Variants in ANKRD44 observed in about 807,000 individuals in gnomAD.
The protein encoded by ANKRD44 is ankyrin repeat domain 44.
Under a neutral mutation model 116.0 loss-of-function variants are expected in ANKRD44, and 35 were observed. That is an observed-to-expected ratio of 0.30 (90% CI 0.23 to 0.40). The LOEUF is 0.40. Among genes scored for constraint, ANKRD44 ranks in the 10% least tolerant of loss-of-function variants. The probability of loss-of-function intolerance (pLI) is 1.00; values close to 1 mark genes in which losing one functional copy is unlikely to be tolerated. For missense variants in ANKRD44, 1,014 were observed against 1,242.6 expected (o/e 0.82, Z 2.77); for synonymous variants, 435 against 461.8 (o/e 0.94, Z 0.74).
chr2:197,009,531 G>A (rs1259221209), intron 18 of ANKRD44, among the ~76,000 whole-genome samples: 2 of 152,002 alleles, frequency 1.3e-5, no homozygotes, highest in East Asian at 1.9e-4. Context: ...CACCACACCC[G>A]CTAATTTTTG....
At chr2:196,983,277 C>T (rs1302728321), downstream of ANKRD44, among the ~76,000 whole-genome samples, 1 of 152,144 alleles carries the variant, frequency 6.6e-6, no homozygotes, top group East Asian at 1.9e-4. Context: ...TGGCTTTTGT[C>T]ACATTCAGAA....
At chr2:197,233,084 C>T (rs2081903755) in intron 1 of ANKRD44, among the ~76,000 whole-genome samples, 1 of 152,206 alleles carries the variant, frequency 6.6e-6, no homozygotes, top group Non-Finnish European at 1.5e-5. Context: ...TGCTACGTTG[C>T]ACACCCTCGT....
At chr2:196,990,956 T>C in intron 27 of ANKRD44, 2 of 1,231,934 alleles carry the variant, frequency 1.6e-6, no homozygotes, top group Non-Finnish European at 2.0e-6. Flanking sequence ...AAGGCAGTGG[T>C]TAGTCCTGGG....
At chr2:197,092,784 G>A (rs1035260468) in intron 10 of ANKRD44, among the ~76,000 whole-genome samples, 7 of 152,114 alleles carry the variant, frequency 4.6e-5, no homozygotes, top group Non-Finnish European at 5.9e-5. Flanking sequence ...GGGAGTTGGG[G>A]GATAGGAGAG....
intron 16 of ANKRD44, among the ~76,000 whole-genome samples, chr2:197,073,118 T>C (rs1254490492): frequency 1.3e-5 from 2 of 152,172 alleles, no homozygotes; most frequent in Admixed American, 1.3e-4. Flanking sequence ...CTCATCTGCC[T>C]CTGCCTCCTC....
At chr2:197,013,214 T>C (rs987142956) in intron 18 of ANKRD44, among the ~76,000 whole-genome samples, 2 of 152,222 alleles carry the variant, frequency 1.3e-5, no homozygotes, top group African/African-American at 4.8e-5. Context: ...TCTATGTAAC[T>C]TGTTCTGAAG....
intron 15 of ANKRD44, among the ~76,000 whole-genome samples, chr2:197,081,429 C>A (rs2077792894): frequency 6.6e-6 from 1 of 152,140 alleles, no homozygotes; most frequent in Admixed American, 6.5e-5. Flanking sequence ...GTGGCTGAAG[C>A]AAAGCGTACA....
chr2:197,247,120 G>T (rs2082209985), intron 1 of ANKRD44, among the ~76,000 whole-genome samples: 1 of 152,170 alleles, frequency 6.6e-6, no homozygotes, highest in Non-Finnish European at 1.5e-5. Flanking sequence ...CGAGCAGTCA[G>T]TTTTTATTTC....
chr2:197,005,792 G>C lies in ANKRD44; in HGVS notation c.2249C>G (p.Thr750Arg). ...LHYAAARGHA[T>R]WLSELLQMAL... ...CATTTGGAGCAGCTCGCTCAGCCAC[G>C]TGGCGTGGCCACGAGCAGCTGCATA... The change falls in exon 21 of 28, where the codon ACG becomes AGG. Residue 750 changes from threonine to arginine, a missense_variant. Coordinates refer to ENST00000282272, the MANE Select transcript of ANKRD44 (RefSeq NM_001195144.2). 6.2e-7 allele frequency: 1 copy of C among 1,614,290 alleles called. No individual in the cohort carries two copies. Among genetic ancestry groups the C allele is most frequent in the Non-Finnish European group, 8.5e-7 (1 of 1,180,048 alleles).
intron 18 of ANKRD44, 85 bp downstream of exon 18, chr2:197,013,426 G>A: frequency 7.1e-7 from 1 of 1,402,080 alleles, no homozygotes; most frequent in Non-Finnish European, 9.9e-7. Flanking sequence ...AAAAAACTGG[G>A]ATGAAAGAAG....
At position 197,074,620 on chromosome 2, in the gene ANKRD44, C is replaced by T. The variant is rs555195234; in HGVS notation, c.1650+4083G>A. Among the ~76,000 whole-genome samples the T allele has an allele frequency of 2.0e-5, 3 of 152,182 alleles. No homozygotes were observed. In the South Asian group the frequency reaches 6.2e-4, roughly 32 times the overall value. ...CTGAGTAGCTAGGACTACAGGTGCACATCACATCACCATACCTGGCTAATT... is the reference window on the plus strand; with the variant it reads ...CTGAGTAGCTAGGACTACAGGTGCATATCACATCACCATACCTGGCTAATT... On this transcript the variant is annotated intron_variant, in intron 16 of 27. Transcript: ENST00000282272.
At chr2:197,257,630 G>C (rs1344556255) in intron 1 of ANKRD44, among the ~76,000 whole-genome samples, 1 of 152,066 alleles carries the variant, frequency 6.6e-6, no homozygotes, top group Admixed American at 6.5e-5. Flanking sequence ...TGAGGGGATG[G>C]ATGCCCCATT....
At chr2:197,251,613 G>T (rs2082318924) in intron 1 of ANKRD44, among the ~76,000 whole-genome samples, 2 of 151,912 alleles carry the variant, frequency 1.3e-5, no homozygotes, top group South Asian at 4.2e-4. Context: ...TTTTTCTATA[G>T]GCATGCTTGC....
Position 197,110,859 on chromosome 2 carries a change from G to C in ANKRD44, c.907-15C>G, listed in dbSNP as rs767179753. 1.2e-5 allele frequency: 20 copies of C among 1,609,210 alleles called. No individual in the cohort carries two copies. The highest frequency in any genetic ancestry group is 1.7e-5 in the Non-Finnish European group (20 of 1,175,586). ...CCATCTTTACTCTAAAAAAAAGAGA[G>C]GGAGAGAAAAACAATGGAGGTGCTC... On this transcript the variant is annotated splice_polypyrimidine_tract_variant and intron_variant, in intron 8 of 27. Transcript: ENST00000282272.
chr2:197,041,418 T>C (rs2076909355), intron 16 of ANKRD44, among the ~76,000 whole-genome samples: 1 of 152,118 alleles, frequency 6.6e-6, no homozygotes, highest in African/African-American at 2.4e-5. Context: ...TCTGTCTCTC[T>C]CTCTCTCTGG....
intron 16 of ANKRD44, among the ~76,000 whole-genome samples, chr2:197,073,652 C>T (rs1029657393): frequency 6.6e-6 from 1 of 152,194 alleles, no homozygotes; most frequent in South Asian, 2.1e-4. Context: ...TGAAGCTTCC[C>T]TCCCTTAAGG....
chr2:197,125,814 T>C, intron 5 of ANKRD44, 23 bp downstream of exon 5: 1 of 1,612,144 alleles, frequency 6.2e-7, no homozygotes, highest in Non-Finnish European at 8.5e-7. Flanking sequence ...AGCGTTCCAA[T>C]TCTGAATGAT....
In ANKRD44 at chr2:196,987,287, T is replaced by C. The variant is rs149537629; in HGVS notation, c.*2304A>G. The stretch of plus-strand genomic sequence containing the variant: ...ATTTCAATGCAAGTACAAGGGGAAA[T>C]AGGAAAAAAGACACTTTATACATTC... On this transcript the variant is annotated 3_prime_UTR_variant, in exon 28 of 28. Transcript: ENST00000282272. The C allele has an allele frequency of 6.5e-4, 640 of 984,946 alleles. 4 individuals carry two copies. The highest frequency in any genetic ancestry group is 6.0e-3 in the African/African-American group (346 of 57,264). 61.0% of individuals were successfully genotyped at this position (984,946 alleles called of 1,614,324 possible).
chr2:197,115,633 T>C lies in ANKRD44; in HGVS notation c.907-4789A>G, dbSNP rs149841230. ...GAGGAAAACAAAGTGAACATGTGGATAGGTAATGGCTGCATTTCAATATGC... is the reference window on the plus strand; with the variant it reads ...GAGGAAAACAAAGTGAACATGTGGACAGGTAATGGCTGCATTTCAATATGC... On this transcript the variant is annotated intron_variant, in intron 8 of 27. Transcript: ENST00000282272. 1.5e-3 allele frequency among the ~76,000 whole-genome samples: 223 copies of C among 152,334 alleles called. 1 individual carries two copies. The highest frequency in any genetic ancestry group is 5.0e-3 in the African/African-American group (208 of 41,578).
Sources: gnomAD v4.1 joint callset for allele counts (sites outside exome capture counted in the v4.1 genomes callset) on GRCh38, gnomAD v4.1.1 for gene constraint, MANE v1.5 for transcripts, NCBI Gene and HGNC (gene_info 2026-07-23, HGNC 2026-07-21) for gene names.